Variants in RP1 observed in about 807,000 individuals in gnomAD.
The protein encoded by RP1 is RP1 axonemal microtubule associated.
RP1 carries 16 observed loss-of-function variants against 14.8 expected under a neutral mutation model. That is an observed-to-expected ratio of 1.08 (90% CI 0.73 to 1.65). The LOEUF (loss-of-function observed/expected upper bound fraction) is 1.65. RP1 is among the 40% of genes most tolerant of loss of function. RP1 has a pLI of 0.00. For missense variants in RP1, 2,631 were observed against 2,535.0 expected (o/e 1.04, Z -0.81); for synonymous variants, 876 against 883.6 (o/e 0.99, Z 0.15).
intron 1 of RP1, among the ~76,000 whole-genome samples, chr8:54,590,502 AAAG>A (rs1484011445): frequency 6.6e-6 from 1 of 152,018 alleles, no homozygotes. Context: ...CCCCCTCCTC[AAAG>A]CTCTCAGGAC....
intron 12 of RP1, among the ~76,000 whole-genome samples, chr8:54,685,286 G>A (rs1160583651): frequency 1.3e-5 from 2 of 151,952 alleles, no homozygotes; most frequent in African/African-American, 2.4e-5. Flanking sequence ...TTTGATGAGG[G>A]CATTTAGTGC....
At chr8:54,754,729 G>A in intron 19 of RP1, 2 of 1,395,518 alleles carry the variant, frequency 1.4e-6, no homozygotes, top group South Asian at 1.6e-5. Flanking sequence ...AAATCCCTGG[G>A]ATGCATTGTG....
Position 54,640,112 on chromosome 8 carries a change from CT to C in RP1, c.788-8860del, listed in dbSNP as rs913258898. On this transcript the variant is annotated intron_variant, in intron 3 of 22. Transcript: ENST00000636932. ...TTGGGTCTATTTGTCCCATTTTGAG[CT>C]TTTTTTTTTTTTAAATATACTGTGG... Among the ~76,000 whole-genome samples the C allele has an allele frequency of 8.0e-3, 1,119 of 140,040 alleles. 5 individuals carry two copies. Among genetic ancestry groups the C allele is most frequent in the African/African-American group, 0.017 (649 of 38,592 alleles). The allele number at this position is 140,040 out of a possible 152,430, so 91.9% of individuals were successfully genotyped here. A position where few individuals can be genotyped will look rare whatever the true frequency, so the allele number is the denominator to read the frequency against.
At chr8:54,766,137 A>G (rs1421489554) in intron 22 of RP1, among the ~76,000 whole-genome samples, 1 of 152,160 alleles carries the variant, frequency 6.6e-6, no homozygotes, top group Non-Finnish European at 1.5e-5. Context: ...CAGATGTCTC[A>G]TTACGAATAA....
At chr8:54,851,904 A>G (rs1429086712) in intron 25 of RP1, among the ~76,000 whole-genome samples, 2 of 152,180 alleles carry the variant, frequency 1.3e-5, no homozygotes, top group South Asian at 2.1e-4. Flanking sequence ...GAGTTCTAAG[A>G]TCTTGGAATA....
At chr8:54,588,763 T>C (rs530395748) in intron 1 of RP1, among the ~76,000 whole-genome samples, 1 of 152,310 alleles carries the variant, frequency 6.6e-6, no homozygotes, top group African/African-American at 2.4e-5. Context: ...TTAATATTCT[T>C]TGCTTTTCGG....
At chr8:54,597,037 T>C (rs531832960) in intron 1 of RP1, among the ~76,000 whole-genome samples, 1 of 152,306 alleles carries the variant, frequency 6.6e-6, no homozygotes, top group African/African-American at 2.4e-5. Context: ...GTTCTGATTA[T>C]GTCATTTCCC....
chr8:54,770,311 T>G (rs1287396940), downstream of RP1: 1 of 393,640 alleles, frequency 2.5e-6, no homozygotes, highest in African/African-American at 2.1e-5. Context: ...GAACACGGAA[T>G]AAGCATTATA....
chr8:54,607,268 T>G (rs13276861), intron 1 of RP1, among the ~76,000 whole-genome samples: 13,422 of 152,146 alleles, frequency 0.088, 1,890 homozygotes, highest in African/African-American at 0.3. Context: ...TAACAGTCAG[T>G]ACCCTCAGCT....
At chr8:54,635,767 G>T (rs1424690569), downstream of RP1, among the ~76,000 whole-genome samples, 1 of 152,060 alleles carries the variant, frequency 6.6e-6, no homozygotes. Context: ...AAAATGTAAC[G>T]GTCAACACCA....
At chr8:54,816,067 T>A (rs1421683225) in intron 24 of RP1, among the ~76,000 whole-genome samples, 1 of 152,164 alleles carries the variant, frequency 6.6e-6, no homozygotes, top group African/African-American at 2.4e-5. Context: ...CAGGTGTAAA[T>A]GTGAAGCCTT....
At chr8:54,643,160 G>A (rs1563336738) in intron 3 of RP1, among the ~76,000 whole-genome samples, 1 of 151,764 alleles carries the variant, frequency 6.6e-6, no homozygotes, top group Admixed American at 6.6e-5. Flanking sequence ...TACCATTTGG[G>A]TTATAACTTT....
intron 8 of RP1, among the ~76,000 whole-genome samples, chr8:54,675,888 G>A (rs1439377068): frequency 6.6e-6 from 1 of 152,144 alleles, no homozygotes; most frequent in Non-Finnish European, 1.5e-5. Context: ...AATTTATAAA[G>A]AAGAAACATT....
At chr8:54,784,393 G>C (rs1316212421) in intron 24 of RP1, among the ~76,000 whole-genome samples, 3 of 152,062 alleles carry the variant, frequency 2.0e-5, no homozygotes, top group Non-Finnish European at 2.9e-5. Context: ...CCATTACATA[G>C]TCTTCTAACT....
At chr8:54,725,891 G>A (rs914302614) in intron 16 of RP1, among the ~76,000 whole-genome samples, 1 of 152,134 alleles carries the variant, frequency 6.6e-6, no homozygotes, top group African/African-American at 2.4e-5. Flanking sequence ...GTAAAAGGTA[G>A]AAAAGTAGCT....
At chr8:54,634,217 A>T (rs1025426893), downstream of RP1, among the ~76,000 whole-genome samples, 10 of 152,206 alleles carry the variant, frequency 6.6e-5, no homozygotes, top group African/African-American at 2.4e-4. Flanking sequence ...TGAATTCCAT[A>T]TAGATATAAC....
chr8:54,787,974 A>T (rs971314105), intron 24 of RP1, among the ~76,000 whole-genome samples: 1 of 152,232 alleles, frequency 6.6e-6, no homozygotes, highest in Non-Finnish European at 1.5e-5. Flanking sequence ...TTATAATATA[A>T]CTATGCAGAC....
intron 23 of RP1, among the ~76,000 whole-genome samples, chr8:54,778,992 C>G (rs1810114921): frequency 6.6e-6 from 1 of 152,206 alleles, no homozygotes; most frequent in Admixed American, 6.5e-5. Context: ...CTGGGGGACT[C>G]TCACAGGGCT....
At position 54,697,097 on chromosome 8, in the gene RP1, CG is replaced by C; in HGVS notation, c.1718-2366del. On this transcript the variant is annotated intron_variant, in intron 12 of 22. Coordinates refer to the RP1 transcript ENST00000636932. Reference sequence around the variant, plus strand: ...CAAGGAGATGGGCACACCTGGCTATCGGGGTGAACGCATCAATCAGCTCATC... The same window carrying C: ...CAAGGAGATGGGCACACCTGGCTATCGGGTGAACGCATCAATCAGCTCATC... 4.5e-6 allele frequency: 7 copies of C among 1,561,894 alleles called. No homozygotes were observed. The South Asian group carries it at 7.8e-5, about 17-fold the overall frequency.
Sources: allele counts gnomAD v4.1 joint callset (sites outside exome capture counted in the v4.1 genomes callset), GRCh38; gene constraint gnomAD v4.1.1; transcripts MANE v1.5; gene names NCBI Gene and HGNC (gene_info 2026-07-23, HGNC 2026-07-21).